Variants in SSBP2 observed in about 807,000 individuals in gnomAD.
The protein encoded by SSBP2 is single-stranded DNA-binding protein 2.
Under a neutral mutation model 61.8 loss-of-function variants are expected in SSBP2, and 17 were observed. The ratio of observed to expected loss-of-function variants is 0.28; its 90% CI spans 0.19 to 0.41. The LOEUF (loss-of-function observed/expected upper bound fraction) is 0.41. Ranked by LOEUF, SSBP2 falls within the 10% of genes least tolerant of loss-of-function variation. SSBP2 has a pLI of 1.00. For synonymous variants in SSBP2, 139 were observed against 141.3 expected (o/e 0.98, Z 0.12); for missense variants, 310 against 458.7 (o/e 0.68, Z 2.96).
At chr5:81,717,248 C>T (rs1398211770) in intron 1 of SSBP2, among the ~76,000 whole-genome samples, 1 of 152,096 alleles carries the variant, frequency 6.6e-6, no homozygotes, top group African/African-American at 2.4e-5. Flanking sequence ...CAAAGAGCAG[C>T]CTTGCTTACT....
chr5:81,645,811 AAAAGTC>A (rs1463858626), intron 2 of SSBP2, among the ~76,000 whole-genome samples: 2 of 152,318 alleles, frequency 1.3e-5, no homozygotes, highest in East Asian at 3.9e-4. Context: ...AAAAAAAATG[AAAAGTC>A]ACATAAACTA....
chr5:81,520,463 C>A (rs1253722875), intron 4 of SSBP2, among the ~76,000 whole-genome samples: 1 of 151,922 alleles, frequency 6.6e-6, no homozygotes, highest in African/African-American at 2.4e-5. Flanking sequence ...TACAGTAATT[C>A]AATGATTTAC....
intron 4 of SSBP2, among the ~76,000 whole-genome samples, chr5:81,608,143 C>A (rs904064936): frequency 6.6e-6 from 1 of 152,104 alleles, no homozygotes; most frequent in Non-Finnish European, 1.5e-5. Context: ...AATCCACTTT[C>A]TCTATGTTCT....
At chr5:81,455,986 G>A (rs1347319104) in intron 10 of SSBP2, among the ~76,000 whole-genome samples, 3 of 152,164 alleles carry the variant, frequency 2.0e-5, no homozygotes, top group African/African-American at 7.2e-5. Context: ...TTTTAGATAA[G>A]TGCCTTTCTT....
intron 4 of SSBP2, among the ~76,000 whole-genome samples, chr5:81,591,806 C>T (rs1349412534): frequency 5.3e-5 from 8 of 152,082 alleles, no homozygotes; most frequent in Admixed American, 5.2e-4. Context: ...CAATAGCAAA[C>T]AGCCTAACAT....
rs10062879 is a variant in SSBP2, at chr5:81,460,317, C to G, written c.687+738G>C. Among the ~76,000 whole-genome samples the G allele has an allele frequency of 7.8e-3, 1,187 of 152,290 alleles. 10 individuals are homozygous for G. Among genetic ancestry groups the G allele is most frequent in the African/African-American group, 0.027 (1,125 of 41,570 alleles). The stretch of plus-strand genomic sequence containing the variant: ...CCCGGGAACCTTTGTGCAGTGCACA[C>G]AGTACACAGATGTACATGGCAGACT... On this transcript the variant is annotated intron_variant, in intron 10 of 16. Coordinates refer to ENST00000320672, the MANE Select transcript of SSBP2 (RefSeq NM_012446.5).
chr5:81,577,055 G>A (rs1774266257), intron 4 of SSBP2, among the ~76,000 whole-genome samples: 1 of 151,990 alleles, frequency 6.6e-6, no homozygotes, highest in Non-Finnish European at 1.5e-5. Context: ...TAGATGGCAT[G>A]TTAGTTTAGG....
chr5:81,575,394 G>C (rs1301206300), intron 4 of SSBP2, among the ~76,000 whole-genome samples: 1 of 152,140 alleles, frequency 6.6e-6, no homozygotes, highest in African/African-American at 2.4e-5. Flanking sequence ...TTAAGTTGTG[G>C]GAGGTTAAAT....
intron 3 of SSBP2, among the ~76,000 whole-genome samples, chr5:81,616,803 C>T (rs1477903713): frequency 6.6e-6 from 1 of 152,042 alleles, no homozygotes; most frequent in East Asian, 1.9e-4. Context: ...CCCTGTGCCC[C>T]GAGCAGCCTA....
intron 1 of SSBP2, among the ~76,000 whole-genome samples, chr5:81,674,452 T>C (rs1471541735): frequency 6.6e-6 from 1 of 152,190 alleles, no homozygotes; most frequent in Admixed American, 6.5e-5. Context: ...AAATATGTGG[T>C]CCTACCAGTC....
rs574778345 is a variant in SSBP2, at chr5:81,414,048, C to A, written c.*6456G>T. 4 of 152,028 alleles carry A rather than the reference C, an allele frequency of 2.6e-5. No homozygotes were observed. The highest frequency in any genetic ancestry group is 2.0e-4 in the Admixed American group (3 of 15,266). The allele number at this position is 152,028 out of a possible 1,614,324, so 9.4% of individuals were successfully genotyped here. A position where few individuals can be genotyped will look rare whatever the true frequency, so the allele number is the denominator to read the frequency against. ...TCCTTTACATCATTTTTTCTAGGAA[C>A]ATTAATAGTTGCCTTTGTTATGATA... On this transcript the variant is annotated 3_prime_UTR_variant, in exon 17 of 17. Transcript: ENST00000320672.
chr5:81,424,208 G>A (rs553559090), intron 16 of SSBP2, among the ~76,000 whole-genome samples: 2 of 152,042 alleles, frequency 1.3e-5, no homozygotes, highest in South Asian at 4.2e-4. Context: ...GGTGGATCCT[G>A]AGGTCAGGAG....
intron 5 of SSBP2, among the ~76,000 whole-genome samples, chr5:81,493,064 C>A (rs1766979025): frequency 6.6e-6 from 1 of 151,580 alleles, no homozygotes; most frequent in African/African-American, 2.4e-5. Context: ...AAAGAAAAAC[C>A]TAAAGATTAA....
chr5:81,451,682 C>A (rs987504523), intron 10 of SSBP2, among the ~76,000 whole-genome samples: 6 of 152,278 alleles, frequency 3.9e-5, no homozygotes, highest in Non-Finnish European at 8.8e-5. Context: ...CCGCCTTGGC[C>A]TCCCAAAGTG....
At chr5:81,683,832 T>C (rs1752579069) in intron 1 of SSBP2, among the ~76,000 whole-genome samples, 1 of 152,112 alleles carries the variant, frequency 6.6e-6, no homozygotes, top group Admixed American at 6.5e-5. Flanking sequence ...GATATAGAGA[T>C]GGCAAGTAAG....
At chr5:81,640,046 AT>A (rs1303550871) in intron 2 of SSBP2, among the ~76,000 whole-genome samples, 2 of 152,164 alleles carry the variant, frequency 1.3e-5, no homozygotes, top group African/African-American at 4.8e-5. Flanking sequence ...AATAAGAGAA[AT>A]TTTTTGAAGA....
chr5:81,443,336 C>T (rs1182747045), intron 12 of SSBP2: 1 of 152,062 alleles, frequency 6.6e-6, no homozygotes, highest in Non-Finnish European at 1.5e-5. Context: ...AATATCTGTA[C>T]TGCATATCCA....
chr5:81,467,608 A>G (rs1181205192), intron 8 of SSBP2, among the ~76,000 whole-genome samples: 1 of 152,030 alleles, frequency 6.6e-6, no homozygotes, highest in Non-Finnish European at 1.5e-5. Context: ...ATATGACTCA[A>G]TCAGCTTCTG....
intron 2 of SSBP2, among the ~76,000 whole-genome samples, chr5:81,645,352 T>A (rs1203816211): frequency 6.6e-6 from 1 of 152,174 alleles, no homozygotes; most frequent in Non-Finnish European, 1.5e-5. Context: ...GCTCAATAAT[T>A]TAGCAATCCT....
Sources: allele counts gnomAD v4.1 joint callset (sites outside exome capture counted in the v4.1 genomes callset), GRCh38; gene constraint gnomAD v4.1.1; transcripts MANE v1.5; gene names NCBI Gene and HGNC (gene_info 2026-07-23, HGNC 2026-07-21).